ZRANB3: variants seen among roughly 807,000 people sequenced by gnomAD.
The protein encoded by ZRANB3 is zinc finger RANBP2-type containing 3.
A neutral mutation model predicts 133.8 loss-of-function variants in ZRANB3; 125 were observed. The observed-to-expected ratio is 0.93, with a 90% CI of 0.81 to 1.08. ZRANB3 has a LOEUF of 1.08. Ranked by LOEUF, ZRANB3 falls within the 50% of genes least tolerant of loss-of-function variation. ZRANB3 has a pLI of 0.00. For missense variants in ZRANB3, 1,229 were observed against 1,275.5 expected (o/e 0.96, Z 0.56); for synonymous variants, 387 against 432.7 (o/e 0.89, Z 1.31).
chr2:135,234,212 G>A (rs1292297256), intron 12 of ZRANB3, among the ~76,000 whole-genome samples: 1 of 152,132 alleles, frequency 6.6e-6, no homozygotes, highest in East Asian at 1.9e-4. Flanking sequence ...ATTACATAAT[G>A]GTAAAGGGAT....
intron 2 of ZRANB3, among the ~76,000 whole-genome samples, chr2:135,412,750 T>A (rs1400036235): frequency 6.7e-6 from 1 of 150,286 alleles, no homozygotes; most frequent in Non-Finnish European, 1.5e-5. Flanking sequence ...GCAGAGACTA[T>A]TTCCTGTTTT....
intron 3 of ZRANB3, among the ~76,000 whole-genome samples, chr2:135,366,757 G>A (rs1685956892): frequency 6.6e-6 from 1 of 152,098 alleles, no homozygotes; most frequent in Non-Finnish European, 1.5e-5. Flanking sequence ...GGTGGCTCAC[G>A]CCTGTAATCC....
intron 8 of ZRANB3, among the ~76,000 whole-genome samples, chr2:135,294,899 G>T (rs1331594958): frequency 1.3e-5 from 2 of 152,170 alleles, no homozygotes; most frequent in Non-Finnish European, 2.9e-5. Context: ...CCACGTAGTT[G>T]AGCAGTTTTG....
intron 6 of ZRANB3, among the ~76,000 whole-genome samples, chr2:135,339,217 G>C (rs545088890): frequency 6.6e-6 from 1 of 152,310 alleles, no homozygotes; most frequent in East Asian, 1.9e-4. Context: ...TTCGAGAACA[G>C]CTTCACCAAT....
intron 8 of ZRANB3, among the ~76,000 whole-genome samples, chr2:135,278,955 G>A (rs910352271): frequency 3.9e-5 from 6 of 152,040 alleles, no homozygotes; most frequent in Admixed American, 6.6e-5. Context: ...GGGGCAATAG[G>A]GGACAGGGCT....
chr2:135,307,706 A>G (rs935860401), intron 8 of ZRANB3, among the ~76,000 whole-genome samples: 4 of 152,058 alleles, frequency 2.6e-5, no homozygotes, highest in Non-Finnish European at 4.4e-5. Flanking sequence ...GATAGTACAG[A>G]CTGAGGAAAT....
chr2:135,382,382 GT>G (rs1260975255), intron 3 of ZRANB3, among the ~76,000 whole-genome samples: 1 of 152,194 alleles, frequency 6.6e-6, no homozygotes, highest in Non-Finnish European at 1.5e-5. Context: ...GTACCTGAAA[GT>G]GACGGGGCGA....
chr2:135,529,069 A>G (rs576171724), intron 1 of ZRANB3, among the ~76,000 whole-genome samples: 7 of 152,332 alleles, frequency 4.6e-5, no homozygotes, highest in South Asian at 2.1e-4. Flanking sequence ...CTTTTTAGGC[A>G]CTGCTCTACC....
intron 2 of ZRANB3, among the ~76,000 whole-genome samples, chr2:135,482,557 T>C (rs1691875777): frequency 6.6e-6 from 1 of 151,766 alleles, no homozygotes. Context: ...TCATGTCATC[T>C]GCAAACAGGG....
At chr2:135,292,713 G>T (rs971959923) in intron 8 of ZRANB3, among the ~76,000 whole-genome samples, 3 of 152,164 alleles carry the variant, frequency 2.0e-5, no homozygotes, top group East Asian at 3.9e-4. Flanking sequence ...TCTTCTAGGG[G>T]TTTTATGGTT....
intron 2 of ZRANB3, among the ~76,000 whole-genome samples, chr2:135,481,371 A>G (rs1691796725): frequency 6.6e-6 from 1 of 151,956 alleles, no homozygotes; most frequent in African/African-American, 2.4e-5. Context: ...GCCAGTGATG[A>G]TGAGCATTTT....
chr2:135,381,890 G>C (rs1206948440), intron 3 of ZRANB3, among the ~76,000 whole-genome samples: 3 of 152,014 alleles, frequency 2.0e-5, no homozygotes, highest in Admixed American at 1.3e-4. Flanking sequence ...ACAAAGATGG[G>C]GAAAAAACAG....
chr2:135,225,926 G>C (rs1261219862), intron 14 of ZRANB3, among the ~76,000 whole-genome samples: 1 of 152,196 alleles, frequency 6.6e-6, no homozygotes, highest in Non-Finnish European at 1.5e-5. Flanking sequence ...ATGTTCAAAA[G>C]GGTTGCCTAT....
chr2:135,496,384 TAAAAAAAAA>T (rs56770947), intron 2 of ZRANB3, among the ~76,000 whole-genome samples: 2 of 33,320 alleles, frequency 6.0e-5, no homozygotes, highest in Non-Finnish European at 1.7e-4. Flanking sequence ...AACTCCATCT[TAAAAAAAAA>T]AAAAAAAAAA....
chr2:135,350,329 T>C, intron 4 of ZRANB3, 114 bp from the exon 5 acceptor site: 1 of 670,726 alleles, frequency 1.5e-6, no homozygotes, highest in Non-Finnish European at 2.4e-6. Context: ...AGAGGAAAAA[T>C]AAAAGGAGAT....
intron 2 of ZRANB3, among the ~76,000 whole-genome samples, chr2:135,393,505 G>A (rs1231460956): frequency 6.6e-6 from 1 of 151,752 alleles, no homozygotes; most frequent in Admixed American, 6.6e-5. Flanking sequence ...AATAGTCCCA[G>A]AAGACCTATT....
At chr2:135,367,229 T>C (rs1018814559) in intron 3 of ZRANB3, among the ~76,000 whole-genome samples, 1 of 152,168 alleles carries the variant, frequency 6.6e-6, no homozygotes, top group African/African-American at 2.4e-5. Context: ...TGGACCTGTA[T>C]GGTAAGAACC....
intron 2 of ZRANB3, among the ~76,000 whole-genome samples, chr2:135,440,441 G>T (rs1452531623): frequency 6.6e-6 from 1 of 151,956 alleles, no homozygotes; most frequent in African/African-American, 2.4e-5. Context: ...ACTGCGTGAG[G>T]GACCAGCACT....
chr2:135,458,131 G>A (rs867508874), intron 2 of ZRANB3, among the ~76,000 whole-genome samples: 9 of 151,926 alleles, frequency 5.9e-5, no homozygotes, highest in East Asian at 1.9e-4. Context: ...CTATTGTTGC[G>A]GCACTATTTG....
Sources: gnomAD v4.1 joint callset for allele counts (sites outside exome capture counted in the v4.1 genomes callset) on GRCh38, gnomAD v4.1.1 for gene constraint, MANE v1.5 for transcripts, NCBI Gene and HGNC (gene_info 2026-07-23, HGNC 2026-07-21) for gene names.